The following PTPRD variants were observed in gnomAD, a reference collection of about 807,000 sequenced individuals.
PTPRD encodes protein tyrosine phosphatase receptor type D.
PTPRD carries 34 observed loss-of-function variants against 214.5 expected under a neutral mutation model. The observed-to-expected ratio is 0.16, with a 90% CI of 0.12 to 0.21. The LOEUF is 0.21. Among genes scored for constraint, PTPRD ranks in the 10% least tolerant of loss-of-function variants. The pLI, the probability that PTPRD is intolerant of heterozygous loss-of-function variation, is 1.00. For missense variants in PTPRD, 2,545 were observed against 2,398.7 expected (o/e 1.06, Z -1.27); for synonymous variants, 1,128 against 845.7 (o/e 1.33, Z -5.79).
chr9:9,120,122 T>A (rs1392082257), intron 10 of PTPRD, among the ~76,000 whole-genome samples: 1 of 152,212 alleles, frequency 6.6e-6, no homozygotes, highest in African/African-American at 2.4e-5. Context: ...GCAAATGATG[T>A]GCCTGATTAT....
At chr9:8,694,719 T>C (rs1046532125) in intron 12 of PTPRD, among the ~76,000 whole-genome samples, 6 of 152,252 alleles carry the variant, frequency 3.9e-5, no homozygotes, top group Non-Finnish European at 5.9e-5. Flanking sequence ...TTAAGCTGCA[T>C]ATAATAAATA....
chr9:9,474,694 G>C (rs1449605214), intron 8 of PTPRD, among the ~76,000 whole-genome samples: 1 of 150,960 alleles, frequency 6.6e-6, no homozygotes, highest in African/African-American at 2.4e-5. Flanking sequence ...TTTTTTTGTA[G>C]CTATTATAAA....
At chr9:10,267,583 T>C (rs2094152779) in intron 3 of PTPRD, among the ~76,000 whole-genome samples, 1 of 152,204 alleles carries the variant, frequency 6.6e-6, no homozygotes, top group Non-Finnish European at 1.5e-5. Flanking sequence ...CCTTACATTT[T>C]AAGAATAACT....
In PTPRD at chr9:10,338,862, T is replaced by C. The variant is rs559167581; in HGVS notation, c.-545+2101A>G. On this transcript the variant is annotated intron_variant, in intron 3 of 45. Transcript: ENST00000381196. ...AGAATGGATAAGCTTAGCAGATATATAGCTTATAGGATAAATGAATATAAA... is the reference window on the plus strand; with the variant it reads ...AGAATGGATAAGCTTAGCAGATATACAGCTTATAGGATAAATGAATATAAA... 2.1e-3 allele frequency among the ~76,000 whole-genome samples: 324 copies of C among 151,604 alleles called. 3 individuals are homozygous for C. Among genetic ancestry groups the C allele is most frequent in the African/African-American group, 7.5e-3 (312 of 41,402 alleles).
chr9:10,479,862 A>G (rs940976824), intron 2 of PTPRD, among the ~76,000 whole-genome samples: 4 of 152,072 alleles, frequency 2.6e-5, no homozygotes, highest in African/African-American at 7.2e-5. Flanking sequence ...TGAAAAGTAC[A>G]TTCCTAAAGA....
At chr9:9,592,191 A>G (rs1036868863) in intron 7 of PTPRD, among the ~76,000 whole-genome samples, 4 of 152,104 alleles carry the variant, frequency 2.6e-5, no homozygotes, top group Non-Finnish European at 2.9e-5. Context: ...AAATACACCA[A>G]TAAAGCATAT....
Position 9,808,309 on chromosome 9 carries a change from C to G in PTPRD, c.-367-41458G>C, listed in dbSNP as rs573932126. Among the ~76,000 whole-genome samples the G allele has an allele frequency of 2.0e-5, 3 of 152,248 alleles. No homozygotes were observed. The South Asian group carries it at 6.2e-4, about 32-fold the overall frequency. On this transcript the variant is annotated intron_variant, in intron 5 of 45. Transcript: ENST00000381196. ...CTCAGATACAAGAACTTTTTAATCTCTTGTTCTTCTTGCCCACCTCCACCT... is the reference window on the plus strand; with the variant it reads ...CTCAGATACAAGAACTTTTTAATCTGTTGTTCTTCTTGCCCACCTCCACCT...
At chr9:9,746,447 A>T (rs2098458995) in intron 6 of PTPRD, among the ~76,000 whole-genome samples, 1 of 152,120 alleles carries the variant, frequency 6.6e-6, no homozygotes, top group Admixed American at 6.5e-5. Context: ...ACAATGAGGA[A>T]CCACCTCTTC....
chr9:10,103,836 T>C (rs186136254), intron 3 of PTPRD, among the ~76,000 whole-genome samples: 2 of 151,662 alleles, frequency 1.3e-5, no homozygotes, highest in Admixed American at 1.3e-4. Flanking sequence ...AAATTAAAAG[T>C]GGAGTTAAAG....
chr9:9,977,579 A>G (rs757743078), intron 4 of PTPRD, among the ~76,000 whole-genome samples: 1 of 152,204 alleles, frequency 6.6e-6, no homozygotes, highest in Non-Finnish European at 1.5e-5. Context: ...TTTGTTCAAA[A>G]ATACTAAGAT....
chr9:10,262,456 C>T (rs1156276299), intron 3 of PTPRD, among the ~76,000 whole-genome samples: 3 of 152,094 alleles, frequency 2.0e-5, no homozygotes, highest in Admixed American at 6.5e-5. Context: ...TCAAAATCAC[C>T]TAAGAAATAG....
intron 3 of PTPRD, among the ~76,000 whole-genome samples, chr9:10,258,399 G>C (rs1327403869): frequency 1.3e-5 from 2 of 152,118 alleles, no homozygotes; most frequent in Non-Finnish European, 2.9e-5. Flanking sequence ...TAACATAAGA[G>C]AACAGAGGAA....
At chr9:9,302,910 AT>A (rs1955944550) in intron 9 of PTPRD, among the ~76,000 whole-genome samples, 1 of 151,750 alleles carries the variant, frequency 6.6e-6, no homozygotes, top group Non-Finnish European at 1.5e-5. Flanking sequence ...CTGCACAGAC[AT>A]TTTTGCTGAA....
chr9:10,602,697 C>T (rs950836846), intron 2 of PTPRD, among the ~76,000 whole-genome samples: 1 of 151,696 alleles, frequency 6.6e-6, no homozygotes, highest in African/African-American at 2.4e-5. Context: ...CATAGTTCAC[C>T]ACAAATAATT....
At chr9:8,588,665 G>C (rs1227320349) in intron 14 of PTPRD, among the ~76,000 whole-genome samples, 2 of 152,082 alleles carry the variant, frequency 1.3e-5, no homozygotes, top group Non-Finnish European at 2.9e-5. Flanking sequence ...GTGTACACCT[G>C]TGCATACACG....
At chr9:9,377,777 A>C (rs977456765) in intron 9 of PTPRD, among the ~76,000 whole-genome samples, 2 of 152,132 alleles carry the variant, frequency 1.3e-5, no homozygotes, top group Non-Finnish European at 2.9e-5. Context: ...AAAAGTAGCT[A>C]CAGGAAGTGA....
At chr9:9,528,941 T>TCTTTC (rs199606773) in intron 8 of PTPRD, among the ~76,000 whole-genome samples, 14 of 148,742 alleles carry the variant, frequency 9.4e-5, no homozygotes, top group African/African-American at 3.2e-4. Flanking sequence ...TTTGTTTCTT[T>TCTTTC]TTTTTTTTTT....
intron 3 of PTPRD, among the ~76,000 whole-genome samples, chr9:10,311,927 A>C (rs1458866687): frequency 6.6e-6 from 1 of 151,668 alleles, no homozygotes; most frequent in Non-Finnish European, 1.5e-5. Flanking sequence ...TTTATTTACC[A>C]CTTTTTTTTT....
chr9:9,274,006 A>G (rs1943992489), intron 9 of PTPRD, among the ~76,000 whole-genome samples: 2 of 151,200 alleles, frequency 1.3e-5, no homozygotes, highest in African/African-American at 2.4e-5. Flanking sequence ...ACATCCTCCT[A>G]TGATCCTATA....
Sources: gnomAD v4.1 joint callset for allele counts (sites outside exome capture counted in the v4.1 genomes callset) on GRCh38, gnomAD v4.1.1 for gene constraint, MANE v1.5 for transcripts, NCBI Gene and HGNC (gene_info 2026-07-23, HGNC 2026-07-21) for gene names.